The following SP140L variants were observed in gnomAD, a reference collection of about 807,000 sequenced individuals.
SP140L encodes the protein nuclear body protein SP140-like protein.
A neutral mutation model predicts 84.3 loss-of-function variants in SP140L; 64 were observed. The ratio of observed to expected loss-of-function variants is 0.76; its 90% CI spans 0.62 to 0.94. The LOEUF is 0.94. SP140L is among the 40% of genes least tolerant of loss of function. The probability of loss-of-function intolerance (pLI) is 0.00; values close to 1 mark genes in which losing one functional copy is unlikely to be tolerated. For missense variants in SP140L, 628 were observed against 692.5 expected, an observed-to-expected ratio of 0.91 and a Z score of 1.05; for synonymous variants, 242 against 236.9, an observed-to-expected ratio of 1.02 and a Z score of -0.20.
intron 2 of SP140L, among the ~76,000 whole-genome samples, chr2:230,329,881 A>C (rs1207160694): frequency 6.6e-6 from 1 of 152,146 alleles, no homozygotes; most frequent in Non-Finnish European, 1.5e-5. Flanking sequence ...ATTTTTGAGG[A>C]GGGATCTTAA....
chr2:230,335,368 C>A (rs556188825), intron 2 of SP140L, among the ~76,000 whole-genome samples: 1 of 152,266 alleles, frequency 6.6e-6, no homozygotes, highest in Admixed American at 6.5e-5. Flanking sequence ...ACTTTGGAAA[C>A]GTTTGGCCTT....
At chr2:230,400,657 C>T (rs1379973942) in intron 15 of SP140L, 3 of 584,872 alleles carry the variant, frequency 5.1e-6, no homozygotes, top group Non-Finnish European at 8.9e-6. Flanking sequence ...CAGTTTCTGA[C>T]ACACAGGCCT....
At chr2:230,390,476 A>G (rs1208146745) in intron 11 of SP140L, among the ~76,000 whole-genome samples, 1 of 152,226 alleles carries the variant, frequency 6.6e-6, no homozygotes, top group African/African-American at 2.4e-5. Context: ...CATTCTGAGT[A>G]GAGAAGGGGA....
chr2:230,376,054 C>T (rs369368162), intron 7 of SP140L, among the ~76,000 whole-genome samples: 1 of 152,170 alleles, frequency 6.6e-6, no homozygotes, highest in African/African-American at 2.4e-5. Flanking sequence ...ACATTTAAGC[C>T]TTTAATCTAT....
chr2:230,347,006 AC>A (rs1340385362), intron 2 of SP140L, among the ~76,000 whole-genome samples: 5 of 152,140 alleles, frequency 3.3e-5, no homozygotes, highest in Admixed American at 3.3e-4. Context: ...ACCTCTTCCA[AC>A]CTTTATAGGT....
chr2:230,365,567 C>T (rs1224309165), intron 5 of SP140L, among the ~76,000 whole-genome samples: 2 of 151,258 alleles, frequency 1.3e-5, no homozygotes, highest in African/African-American at 4.9e-5. Context: ...ATTTTGTTTA[C>T]CTTTTCAAAA....
At chr2:230,341,625 A>G (rs1437447243) in intron 2 of SP140L, among the ~76,000 whole-genome samples, 1 of 148,262 alleles carries the variant, frequency 6.7e-6, no homozygotes, top group African/African-American at 2.5e-5. Flanking sequence ...TTGTGGTTTT[A>G]TCTACTTTTG....
At chr2:230,329,594 G>A (rs545698448) in intron 2 of SP140L, among the ~76,000 whole-genome samples, 37 of 152,304 alleles carry the variant, frequency 2.4e-4, no homozygotes, top group African/African-American at 8.4e-4. Context: ...ATTCTCCCAA[G>A]ATCTGATGGT....
chr2:230,384,313 AGAT>A (rs559311805), intron 8 of SP140L, among the ~76,000 whole-genome samples: 29 of 152,338 alleles, frequency 1.9e-4, no homozygotes, highest in Middle Eastern at 3.4e-3. Flanking sequence ...GGCTATCTCT[AGAT>A]GATGATGTTT....
intron 2 of SP140L, among the ~76,000 whole-genome samples, chr2:230,352,571 C>T (rs1182563621): frequency 2.0e-5 from 3 of 152,096 alleles, no homozygotes; most frequent in Admixed American, 6.6e-5. Flanking sequence ...GGTCCCTTTC[C>T]AACACATGGG....
intron 5 of SP140L, among the ~76,000 whole-genome samples, chr2:230,362,783 T>G (rs1463939255): frequency 6.6e-6 from 1 of 152,180 alleles, no homozygotes; most frequent in Non-Finnish European, 1.5e-5. Context: ...CTAGGCATTC[T>G]AAGCCAGAGC....
chr2:230,360,080 C>T lies in SP140L; in HGVS notation c.439+948C>T, dbSNP rs184208767. ...GTGCCCTCTATTTTGTTTTACTTGC[C>T]TGGAAAACTTTTATTCTCCTCACAG... On this transcript the variant is annotated intron_variant, in intron 4 of 18. Transcript: ENST00000415673. Among the ~76,000 whole-genome samples the T allele has an allele frequency of 8.3e-4, 123 of 148,570 alleles. 3 individuals carry two copies. Among genetic ancestry groups the T allele is most frequent in the African/African-American group, 2.8e-3 (116 of 40,828 alleles).
intron 14 of SP140L, among the ~76,000 whole-genome samples, chr2:230,398,545 A>G (rs1477548028): frequency 1.3e-5 from 2 of 152,232 alleles, no homozygotes; most frequent in Non-Finnish European, 2.9e-5. Flanking sequence ...ACCCTTTGAA[A>G]GAAGTGGCTT....
At chr2:230,337,927 A>G (rs375626388) in intron 2 of SP140L, among the ~76,000 whole-genome samples, 3 of 151,588 alleles carry the variant, frequency 2.0e-5, no homozygotes, top group Admixed American at 6.6e-5. Flanking sequence ...GTCAGGTAGC[A>G]TGATGCCTCC....
At chr2:230,328,395 T>G (rs2059638623) in intron 1 of SP140L, among the ~76,000 whole-genome samples, 1 of 152,240 alleles carries the variant, frequency 6.6e-6, no homozygotes, top group South Asian at 2.1e-4. Context: ...GTTCTCGTTT[T>G]GTAATAAATG....
At chr2:230,329,668 C>T (rs989587992) in intron 2 of SP140L, among the ~76,000 whole-genome samples, 8 of 152,176 alleles carry the variant, frequency 5.3e-5, no homozygotes, top group Non-Finnish European at 4.4e-5. Flanking sequence ...ACACTTGCTT[C>T]TCCTTCACCT....
chr2:230,401,397 G>T lies in SP140L; in HGVS notation c.1454G>T (p.Cys485Phe). The T allele has an allele frequency of 6.3e-7, 1 of 1,583,122 alleles. No individual in the cohort carries two copies. Among genetic ancestry groups the T allele is most frequent in the East Asian group, 2.3e-5 (1 of 44,354 alleles). ...GAGTTCCTCCTCTTGAAAGTCTATT[G>T]CTGTTCTGAGAGCTCCTTTTTTGCC... ...KCEFLLLKVY[C>F]CSESSFFAKI... Residue 485 changes from cysteine (C) to phenylalanine (F), a missense_variant, in exon 17 of 19, where the codon TGC (cysteine) becomes TTC (phenylalanine). Coordinates refer to ENST00000415673, the MANE Select transcript of SP140L (RefSeq NM_138402.6).
chr2:230,365,378 C>A (rs1359558260), intron 5 of SP140L, among the ~76,000 whole-genome samples: 2 of 151,920 alleles, frequency 1.3e-5, no homozygotes, highest in Admixed American at 1.3e-4. Flanking sequence ...TAGGTTGTAT[C>A]TGTCTAGGAA....
At chr2:230,361,538 C>A in intron 4 of SP140L, 76 bp from the exon 5 acceptor site, 1 of 1,191,088 alleles carries the variant, frequency 8.4e-7, no homozygotes, top group Non-Finnish European at 1.2e-6. Context: ...CTGGAAATTC[C>A]TAAAAGCCAA....
Sources: gnomAD v4.1 joint callset for allele counts (sites outside exome capture counted in the v4.1 genomes callset) on GRCh38, gnomAD v4.1.1 for gene constraint, MANE v1.5 for transcripts, NCBI Gene and HGNC (gene_info 2026-07-23, HGNC 2026-07-21) for gene names.